Variants in FAM149B1 observed in about 807,000 individuals in gnomAD.
FAM149B1 encodes the protein family with sequence similarity 149 member B1.
A neutral mutation model predicts 75.3 loss-of-function variants in FAM149B1; 56 were observed. The ratio of observed to expected loss-of-function variants is 0.74; its 90% CI spans 0.60 to 0.93. The LOEUF is 0.93. Ranked by LOEUF, FAM149B1 falls within the 40% of genes least tolerant of loss-of-function variation. The pLI is 0.00. For synonymous variants in FAM149B1, 259 were observed against 256.1 expected, an observed-to-expected ratio of 1.01 and a Z score of -0.11; for missense variants, 639 against 708.4, an observed-to-expected ratio of 0.90 and a Z score of 1.11.
chr10:73,234,077 T>C (rs1259677313), intron 10 of FAM149B1: 1 of 152,216 alleles, frequency 6.6e-6, no homozygotes, highest in Non-Finnish European at 1.5e-5. Context: ...TAGCTGTTGA[T>C]TCACAAAATG....
intron 3 of FAM149B1, among the ~76,000 whole-genome samples, chr10:73,180,232 A>T (rs1458989248): frequency 6.6e-6 from 1 of 152,230 alleles, no homozygotes; most frequent in Admixed American, 6.5e-5. Flanking sequence ...AGAGTTTTCC[A>T]GACAGGTAAC....
chr10:73,229,873 G>C (rs1050474894), intron 8 of FAM149B1, among the ~76,000 whole-genome samples: 5 of 152,162 alleles, frequency 3.3e-5, no homozygotes, highest in Admixed American at 3.3e-4. Flanking sequence ...GGCTCTAGGG[G>C]GGCAATGCCA....
chr10:73,235,259 C>G lies in FAM149B1; in HGVS notation c.1543C>G (p.Gln515Glu). Residue 515 changes from glutamine to glutamate, a missense_variant, in exon 12 of 14, where the codon CAA (glutamine) becomes GAA (glutamate). Physicochemically the swap from Gln to Glu is conservative, Grantham distance 29 (BLOSUM62 2). Transcript: ENST00000242505. ...VVDEPNYQQP[Q>E]ERLLLPDFFP... Reference sequence around the variant, plus strand: ...GGATGAACCTAACTATCAGCAGCCACAAGAAAGGCTCCTTTTGCCCGACTT... The same window carrying G: ...GGATGAACCTAACTATCAGCAGCCAGAAGAAAGGCTCCTTTTGCCCGACTT... 2 of 1,552,036 alleles carry G rather than the reference C, an allele frequency of 1.3e-6. No homozygotes were observed. The highest frequency in any genetic ancestry group is 8.7e-7 in the Non-Finnish European group (1 of 1,147,050).
intron 5 of FAM149B1, among the ~76,000 whole-genome samples, chr10:73,197,452 G>A (rs760567301): frequency 1.3e-4 from 20 of 152,080 alleles, no homozygotes; most frequent in Admixed American, 6.6e-4. Context: ...CACTGAAGAC[G>A]GTGAGAAAAA....
chr10:73,200,456 A>C, intron 5 of FAM149B1: 1 of 615,004 alleles, frequency 1.6e-6, no homozygotes, highest in Non-Finnish European at 3.2e-6. Flanking sequence ...CAAAAACTGC[A>C]GGCTGAAGTA....
intron 2 of FAM149B1, among the ~76,000 whole-genome samples, chr10:73,177,433 G>T (rs1462884143): frequency 6.7e-6 from 1 of 149,566 alleles, no homozygotes; most frequent in East Asian, 2.0e-4. Flanking sequence ...AATGAGCTGG[G>T]TGTGGTGGTG....
intron 5 of FAM149B1, among the ~76,000 whole-genome samples, chr10:73,198,560 T>A (rs921566717): frequency 3.3e-5 from 5 of 152,122 alleles, no homozygotes; most frequent in African/African-American, 1.2e-4. Flanking sequence ...ATCCCAACAC[T>A]TTGAGAGGCC....
chr10:73,191,123 C>T (rs951439564), intron 3 of FAM149B1, among the ~76,000 whole-genome samples: 1 of 152,164 alleles, frequency 6.6e-6, no homozygotes, highest in African/African-American at 2.4e-5. Context: ...TCACCACAAC[C>T]TCCGCCTCCC....
intron 5 of FAM149B1, among the ~76,000 whole-genome samples, chr10:73,207,062 G>A (rs1351128761): frequency 6.6e-6 from 1 of 151,358 alleles, no homozygotes; most frequent in Admixed American, 6.6e-5. Flanking sequence ...GGATGTAAGA[G>A]AAAGCCTGGG....
intron 5 of FAM149B1, among the ~76,000 whole-genome samples, chr10:73,206,844 G>T (rs780084546): frequency 6.6e-6 from 1 of 152,222 alleles, no homozygotes; most frequent in Non-Finnish European, 1.5e-5. Flanking sequence ...GAGCTTGGGA[G>T]GTGGAGGTTG....
At chr10:73,229,433 G>A (rs2043632963) in intron 8 of FAM149B1, among the ~76,000 whole-genome samples, 1 of 152,196 alleles carries the variant, frequency 6.6e-6, no homozygotes, top group African/African-American at 2.4e-5. Context: ...AAACTAGCTG[G>A]GCATGGTGGC....
chr10:73,198,594 C>T (rs2042860956), intron 5 of FAM149B1, among the ~76,000 whole-genome samples: 1 of 152,108 alleles, frequency 6.6e-6, no homozygotes, highest in African/African-American at 2.4e-5. Flanking sequence ...CACCTGAGGT[C>T]AAGTATTCAA....
intron 3 of FAM149B1, among the ~76,000 whole-genome samples, chr10:73,186,388 T>G (rs2042522465): frequency 6.6e-6 from 1 of 152,166 alleles, no homozygotes. Flanking sequence ...TTATTATATG[T>G]AACAAGAAAA....
intron 5 of FAM149B1, among the ~76,000 whole-genome samples, chr10:73,196,314 G>GC (rs902931336): frequency 9.9e-5 from 15 of 151,442 alleles, no homozygotes; most frequent in African/African-American, 3.4e-4. Context: ...CTGCTATTTT[G>GC]CCCCCCACCC....
intron 13 of FAM149B1, among the ~76,000 whole-genome samples, chr10:73,239,847 GTCTGAT>G (rs1419537098): frequency 1.3e-5 from 2 of 152,214 alleles, no homozygotes; most frequent in Non-Finnish European, 2.9e-5. Context: ...GATATGCTGA[GTCTGAT>G]TCTATCGCAT....
intron 1 of FAM149B1, chr10:73,168,766 T>C (rs2133284950): frequency 5.1e-6 from 1 of 194,514 alleles, no homozygotes; most frequent in Non-Finnish European, 1.0e-5. Flanking sequence ...ATCAATGATA[T>C]CAGATTGGGA....
At chr10:73,173,416 GACTAT>G (rs1843799724) in intron 1 of FAM149B1, among the ~76,000 whole-genome samples, 1 of 146,722 alleles carries the variant, frequency 6.8e-6, no homozygotes, top group Admixed American at 6.6e-5. Flanking sequence ...CTGCAAATAC[GACTAT>G]AAATCAAGAT....
intron 5 of FAM149B1, among the ~76,000 whole-genome samples, chr10:73,206,787 C>T (rs1322006175): frequency 1.3e-5 from 2 of 152,120 alleles, no homozygotes; most frequent in Non-Finnish European, 1.5e-5. Flanking sequence ...TGGTGGCGGA[C>T]GCCTATAATC....
chr10:73,192,816 T>A, intron 4 of FAM149B1, 118 bp downstream of exon 4: 1 of 971,962 alleles, frequency 1.0e-6, no homozygotes, highest in South Asian at 2.1e-5. Context: ...TGAATGTAAA[T>A]AAGGCCATGT....
Sources: allele counts gnomAD v4.1 joint callset (sites outside exome capture counted in the v4.1 genomes callset), GRCh38; gene constraint gnomAD v4.1.1; transcripts MANE v1.5; gene names NCBI Gene and HGNC (gene_info 2026-07-23, HGNC 2026-07-21).